Variants in SERINC2 observed in about 807,000 individuals in gnomAD.
The protein encoded by SERINC2 is tumor differentially expressed protein 2.
SERINC2 carries 56 observed loss-of-function variants against 54.2 expected under a neutral mutation model. The ratio of observed to expected loss-of-function variants is 1.03; its 90% CI spans 0.83 to 1.29. SERINC2 has a LOEUF of 1.29. SERINC2 is among the 50% of genes most tolerant of loss of function. SERINC2 has a pLI of 0.00. For synonymous variants in SERINC2, 272 were observed against 253.1 expected (o/e 1.07, Z -0.71); for missense variants, 614 against 607.4 (o/e 1.01, Z -0.12).
upstream of SERINC2, among the ~76,000 whole-genome samples, chr1:31,412,000 C>CAAAAAAAA (rs11368197): frequency 4.5e-5 from 2 of 44,504 alleles, no homozygotes; most frequent in Non-Finnish European, 7.8e-5. Flanking sequence ...GACCCTGTCT[C>CAAAAAAAA]AAAAAAAAAA....
At chr1:31,413,206 G>T, upstream of SERINC2, 2 of 1,072,714 alleles carry the variant, frequency 1.9e-6, no homozygotes, top group Non-Finnish European at 2.3e-6. This position sits in a 1 kb window ranked among gnomAD's most constrained non-coding sequence, Gnocchi z 5.0. Context: ...CCCGGCACCC[G>T]GATCCCGAGG....
rs1641406744 is a variant in SERINC2 at position 31,434,237 on chromosome 1, C to G, written c.*38C>G. 1.9e-6 allele frequency: 3 copies of G among 1,600,690 alleles called. No homozygotes were observed. The highest frequency in any genetic ancestry group is 1.1e-5 in the South Asian group (1 of 89,808). On this transcript the variant is annotated 3_prime_UTR_variant, in exon 10 of 10. Coordinates refer to ENST00000373709, the MANE Select transcript of SERINC2 (RefSeq NM_178865.5). ...GCCTGCCATCTGGTGCCTCCTGCCACCTGGTGCCTCTCGGCTCAGTGACAG... is the reference window on the plus strand; with the variant it reads ...GCCTGCCATCTGGTGCCTCCTGCCAGCTGGTGCCTCTCGGCTCAGTGACAG...
intron 1 of SERINC2, among the ~76,000 whole-genome samples, chr1:31,416,489 G>A (rs1640784357): frequency 6.6e-6 from 1 of 152,202 alleles, no homozygotes; most frequent in Admixed American, 6.5e-5. Context: ...ACTGCATGGG[G>A]GAAGTAAGTG....
chr1:31,425,671 T>C (rs955286663), intron 4 of SERINC2, 105 bp from the exon 5 acceptor site: 1 of 1,399,064 alleles, frequency 7.1e-7, no homozygotes, highest in Middle Eastern at 2.6e-4. Context: ...GCAGGGACTC[T>C]GTTCTTCTCA....
chr1:31,425,556 C>T (rs539271989), intron 4 of SERINC2, 147 bp downstream of exon 4: 1 of 885,450 alleles, frequency 1.1e-6, no homozygotes, highest in East Asian at 2.4e-5. Context: ...TGAGACAGCA[C>T]TGTGGTGCTT....
chr1:31,422,220 G>A (rs1015809743), intron 1 of SERINC2, among the ~76,000 whole-genome samples: 1 of 150,522 alleles, frequency 6.6e-6, no homozygotes, highest in Non-Finnish European at 1.5e-5. Context: ...GATGGCTTGA[G>A]CCCAGGAGGC....
At chr1:31,414,047 T>C (rs782722840) in intron 1 of SERINC2, 4 of 1,513,872 alleles carry the variant, frequency 2.6e-6, no homozygotes, top group South Asian at 2.5e-5. Context: ...CTTTCTTAGC[T>C]GCCCTCGAGT....
rs1640768830 is a variant in SERINC2, at chr1:31,415,865, C to G, written c.39+2561C>G. ...AGGTGTGACTCATCTGCTGATTGTGCTTCTCAGCATTGGAACTGGGCTGAA... is the reference window on the plus strand; with the variant it reads ...AGGTGTGACTCATCTGCTGATTGTGGTTCTCAGCATTGGAACTGGGCTGAA... On this transcript the variant is annotated intron_variant, in intron 1 of 9. Transcript: ENST00000373709. The G allele has an allele frequency of 1.0e-5, 10 of 985,382 alleles. No homozygotes were observed. The South Asian group carries it at 3.3e-4, about 32-fold the overall frequency. The allele number at this position is 985,382 out of a possible 1,614,324, so 61.0% of individuals were successfully genotyped here. A position where few individuals can be genotyped will look rare whatever the true frequency, so the allele number is the denominator to read the frequency against.
rs1445867860 is a variant in SERINC2, at chr1:31,431,782, G to A, written c.1014-1185G>A. ...GGAGAGGGTGGAGAGGGTGAATAGG[G>A]TGGATAGGGTGGATAGGGTGGACAG... On this transcript the variant is annotated intron_variant, in intron 8 of 9. Transcript: ENST00000373709. 3.0e-4 allele frequency among the ~76,000 whole-genome samples: 41 copies of A among 137,888 alleles called. 1 individual carries two copies. Among genetic ancestry groups the A allele is most frequent in the African/African-American group, 7.9e-4 (28 of 35,480 alleles). 90.5% of individuals were successfully genotyped at this position (137,888 alleles called of 152,430 possible).
chr1:31,423,199 G>A (rs1557492144), intron 1 of SERINC2, among the ~76,000 whole-genome samples: 1 of 152,182 alleles, frequency 6.6e-6, no homozygotes, highest in Non-Finnish European at 1.5e-5. Flanking sequence ...GTCCCGCGGG[G>A]AAAAATTAAG....
At chr1:31,432,848 G>A (rs908471924) in intron 8 of SERINC2, 119 bp from the exon 9 acceptor site, 2 of 731,406 alleles carry the variant, frequency 2.7e-6, no homozygotes, top group Non-Finnish European at 4.5e-6. Context: ...AAAGCAGTTT[G>A]TTAACTCCCA....
intron 1 of SERINC2, among the ~76,000 whole-genome samples, chr1:31,420,025 A>G (rs1193991161): frequency 6.6e-6 from 1 of 151,844 alleles, no homozygotes; most frequent in Non-Finnish European, 1.5e-5. Context: ...TTTTCCCCCT[A>G]TTATTTTCCT....
At position 31,433,204 on chromosome 1, in the gene SERINC2, A is replaced by G; in HGVS notation, c.1232+19A>G. The G allele has an allele frequency of 1.2e-6, 2 of 1,605,354 alleles. No homozygotes were observed. The highest frequency in any genetic ancestry group is 1.1e-5 in the South Asian group (1 of 90,946). On this transcript the variant is annotated intron_variant, in intron 9 of 9. Coordinates refer to ENST00000373709, the MANE Select transcript of SERINC2 (RefSeq NM_178865.5). ...GGTACAAGTGCGTAGCTGGTGGGGC[A>G]TGGACAGAGCCCGGAGGTGCAGGGT... is the stretch of plus-strand genomic sequence containing the variant.
rs782686880 is a variant in SERINC2, at chr1:31,429,491, G to A, written c.966G>A (p.Pro322=). The part of the protein sequence containing the change: ...EGYETQWWDA[P]SIVGLIIFLL... Reference sequence around the variant, plus strand: ...ATGAGACCCAGTGGTGGGATGCCCCGAGCATTGTGGGCCTCATCATCTTCC... The same window carrying A: ...ATGAGACCCAGTGGTGGGATGCCCCAAGCATTGTGGGCCTCATCATCTTCC... The change falls in exon 8 of 10, where the codon CCG becomes CCA. Residue 322 remains proline (P), a synonymous_variant. Coordinates refer to ENST00000373709, the MANE Select transcript of SERINC2 (RefSeq NM_178865.5). 1.2e-5 allele frequency: 20 copies of A among 1,613,692 alleles called. No homozygotes were observed. The highest frequency in any genetic ancestry group is 3.3e-5 in the South Asian group (3 of 90,988).
chr1:31,433,939 G>A, intron 9 of SERINC2, 125 bp from the exon 10 acceptor site: 1 of 930,380 alleles, frequency 1.1e-6, no homozygotes, highest in East Asian at 2.4e-5. Context: ...GTCAGAGATG[G>A]ACTGGAGTTA....
intron 8 of SERINC2, among the ~76,000 whole-genome samples, chr1:31,430,982 T>C (rs1400005691): frequency 1.3e-5 from 2 of 152,196 alleles, no homozygotes; most frequent in African/African-American, 4.8e-5. Flanking sequence ...TTGGCCTTTT[T>C]CAAAACATTT....
chr1:31,431,795 A>ACAGGG (rs1557499798), intron 8 of SERINC2, among the ~76,000 whole-genome samples: 1 of 49,710 alleles, frequency 2.0e-5, no homozygotes, highest in African/African-American at 4.9e-5. Flanking sequence ...GATAGGGTGG[A>ACAGGG]TAGGGTGGAC....
upstream of SERINC2, chr1:31,413,176 G>A (rs1570019271): frequency 3.0e-6 from 3 of 991,812 alleles, no homozygotes; most frequent in African/African-American, 1.9e-5. This position sits in a 1 kb window ranked among gnomAD's most constrained non-coding sequence, Gnocchi z 5.0. Flanking sequence ...GGGCGGGGCC[G>A]GGGCCGGGGA....
chr1:31,427,921 C>T (rs961092810), intron 6 of SERINC2, among the ~76,000 whole-genome samples: 8 of 149,670 alleles, frequency 5.3e-5, no homozygotes, highest in Non-Finnish European at 3.0e-5. Context: ...CTCCGCCTCC[C>T]AGGTTCAAGT....
Sources: gnomAD v4.1 joint callset for allele counts (sites outside exome capture counted in the v4.1 genomes callset) on GRCh38, gnomAD v4.1.1 for gene constraint, Gnocchi (gnomAD v3.1) non-coding constraint, MANE v1.5 for transcripts, NCBI Gene and HGNC (gene_info 2026-07-23, HGNC 2026-07-21) for gene names.